Variants in SLC25A21 observed in about 807,000 individuals in gnomAD.
SLC25A21 encodes mitochondrial 2-oxodicarboxylate carrier.
In SLC25A21, 47 loss-of-function variants were observed where a neutral mutation model predicts 43.8. The observed-to-expected ratio is 1.07, with a 90% CI of 0.85 to 1.37. The LOEUF is 1.37. Among genes scored for constraint, SLC25A21 ranks in the 40% most tolerant of loss-of-function variants. The pLI, the probability that SLC25A21 is intolerant of heterozygous loss-of-function variation, is 0.00. For missense variants in SLC25A21, 352 were observed against 350.2 expected, an observed-to-expected ratio of 1.00 and a Z score of -0.04; for synonymous variants, 131 against 121.3, an observed-to-expected ratio of 1.08 and a Z score of -0.52.
At chr14:36,737,507 A>G (rs573707117) in intron 3 of SLC25A21, among the ~76,000 whole-genome samples, 1 of 152,286 alleles carries the variant, frequency 6.6e-6, no homozygotes, top group Non-Finnish European at 1.5e-5. Context: ...AATTTTAACA[A>G]GAAGTTCTCA....
At chr14:36,783,418 G>C (rs1050704151) in intron 3 of SLC25A21, among the ~76,000 whole-genome samples, 2 of 152,056 alleles carry the variant, frequency 1.3e-5, no homozygotes, top group Non-Finnish European at 2.9e-5. Flanking sequence ...TTTGAGCCCT[G>C]ATTACTGTGA....
intron 1 of SLC25A21, among the ~76,000 whole-genome samples, chr14:37,144,431 G>A (rs1329084773): frequency 1.3e-5 from 2 of 152,144 alleles, no homozygotes; most frequent in Non-Finnish European, 2.9e-5. Flanking sequence ...GGAGGGGAGT[G>A]AACCAAATTA....
intron 1 of SLC25A21, among the ~76,000 whole-genome samples, chr14:37,093,966 G>A (rs1053479500): frequency 3.9e-5 from 6 of 152,166 alleles, no homozygotes; most frequent in African/African-American, 1.4e-4. Flanking sequence ...AGGTTTGAGT[G>A]ACACGGTGGC....
intron 1 of SLC25A21, among the ~76,000 whole-genome samples, chr14:37,114,939 C>T (rs982856280): frequency 1.3e-5 from 2 of 152,134 alleles, no homozygotes; most frequent in Non-Finnish European, 1.5e-5. Context: ...CTCTTATGTA[C>T]ATACCTAGAC....
chr14:37,138,927 C>T (rs1963527231), intron 1 of SLC25A21, among the ~76,000 whole-genome samples: 3 of 152,044 alleles, frequency 2.0e-5, no homozygotes, highest in African/African-American at 4.8e-5. Context: ...CATTCAAATT[C>T]ATGGAACTTT....
intron 1 of SLC25A21, among the ~76,000 whole-genome samples, chr14:37,136,119 A>T (rs1248922891): frequency 6.6e-6 from 1 of 152,166 alleles, no homozygotes; most frequent in African/African-American, 2.4e-5. Flanking sequence ...CATCACAACT[A>T]ATTAGAAATA....
intron 1 of SLC25A21, among the ~76,000 whole-genome samples, chr14:37,019,260 C>T (rs908153637): frequency 2.6e-5 from 4 of 151,836 alleles, no homozygotes; most frequent in Non-Finnish European, 4.4e-5. Flanking sequence ...CAAACTCTTC[C>T]TTATCTTGGA....
At chr14:37,033,746 T>C (rs1428133561) in intron 1 of SLC25A21, among the ~76,000 whole-genome samples, 3 of 152,208 alleles carry the variant, frequency 2.0e-5, no homozygotes, top group Middle Eastern at 3.2e-3. Flanking sequence ...GTAAGAGATG[T>C]AGCTTGACTG....
chr14:36,955,207 A>G (rs17105763), intron 1 of SLC25A21, among the ~76,000 whole-genome samples: 33,891 of 152,142 alleles, frequency 0.22, 4,126 homozygotes, highest in Admixed American at 0.31. Context: ...TGGACATGGT[A>G]AAATTCACTT....
At chr14:36,741,733 C>G (rs927223493) in intron 3 of SLC25A21, among the ~76,000 whole-genome samples, 1 of 152,188 alleles carries the variant, frequency 6.6e-6, no homozygotes, top group Non-Finnish European at 1.5e-5. Flanking sequence ...CTGGATCCCA[C>G]TTCTTTGCCA....
At position 36,711,353 on chromosome 14, in the gene SLC25A21, A is replaced by C. The variant is rs1365548507; in HGVS notation, c.568T>G (p.Tyr190Asp). The C allele has an allele frequency of 1.2e-6, 2 of 1,614,148 alleles. No homozygotes were observed. The highest frequency in any genetic ancestry group is 1.3e-5 in the African/African-American group (1 of 75,062). ...GGAATCATGTTTTTGACATTGTAGT[A>C]GAAGCCAAAATAAACCATGTTGAAA... ...GVFNMVYFGF[Y>D]YNVKNMIPVN... The change falls in exon 7 of 10, where the codon TAC becomes GAC. Residue 190 changes from tyrosine to aspartate, a missense_variant. Transcript: ENST00000331299.
In SLC25A21 at chr14:36,973,143, G is replaced by C. The variant is rs117028748; in HGVS notation, c.71-98139C>G. On this transcript the variant is annotated intron_variant, in intron 1 of 9. Transcript: ENST00000331299. ...AGTCAAATTTATTCAGTAGGCAGTA[G>C]AGAGGCACTAAAGGATTTAGGGCAG... Among the ~76,000 whole-genome samples, 1,326 of 152,066 alleles carry C rather than the reference G, an allele frequency of 8.7e-3. 6 individuals are homozygous for C. Among genetic ancestry groups the C allele is most frequent in the Non-Finnish European group, 0.012 (845 of 68,010 alleles).
At chr14:36,872,011 G>A (rs1890387681) in intron 2 of SLC25A21, among the ~76,000 whole-genome samples, 1 of 152,092 alleles carries the variant, frequency 6.6e-6, no homozygotes, top group Non-Finnish European at 1.5e-5. Context: ...GAAAACAAAG[G>A]CAGAGAATTA....
intron 1 of SLC25A21, among the ~76,000 whole-genome samples, chr14:36,937,001 T>C (rs889363927): frequency 6.6e-6 from 1 of 152,126 alleles, no homozygotes; most frequent in African/African-American, 2.4e-5. Context: ...CAAGGACAGA[T>C]GGATATTATA....
At chr14:36,752,309 T>C (rs981123945) in intron 3 of SLC25A21, among the ~76,000 whole-genome samples, 9 of 152,136 alleles carry the variant, frequency 5.9e-5, no homozygotes, top group African/African-American at 1.9e-4. Flanking sequence ...GAATGTAAAG[T>C]GGTGCAGCTG....
chr14:36,906,403 C>T (rs990030972), intron 1 of SLC25A21, among the ~76,000 whole-genome samples: 1 of 151,936 alleles, frequency 6.6e-6, no homozygotes, highest in African/African-American at 2.4e-5. Context: ...GGGAAAAAAG[C>T]AGCAAAGTAG....
At chr14:37,040,092 C>T (rs1031972135) in intron 1 of SLC25A21, among the ~76,000 whole-genome samples, 4 of 150,570 alleles carry the variant, frequency 2.7e-5, no homozygotes, top group Admixed American at 1.3e-4. Context: ...CCCAGCTACT[C>T]GGGAGGCAGG....
intron 7 of SLC25A21, among the ~76,000 whole-genome samples, chr14:36,693,784 C>T (rs1194563758): frequency 6.6e-6 from 1 of 152,048 alleles, no homozygotes; most frequent in Non-Finnish European, 1.5e-5. Context: ...AGGTGTGAGC[C>T]AGCATGCTCA....
At chr14:37,083,894 G>A (rs1962434459) in intron 1 of SLC25A21, among the ~76,000 whole-genome samples, 1 of 152,194 alleles carries the variant, frequency 6.6e-6, no homozygotes, top group Admixed American at 6.5e-5. Context: ...TGTTAAGTCA[G>A]ATTATTGCTC....
Sources: gnomAD v4.1 joint callset for allele counts (sites outside exome capture counted in the v4.1 genomes callset) on GRCh38, gnomAD v4.1.1 for gene constraint, MANE v1.5 for transcripts, NCBI Gene and HGNC (gene_info 2026-07-23, HGNC 2026-07-21) for gene names.